RGS3: variants seen among roughly 807,000 people sequenced by gnomAD.
The protein encoded by RGS3 is regulator of G-protein signalling 3.
Under a neutral mutation model 132.6 loss-of-function variants are expected in RGS3, and 80 were observed. The observed-to-expected ratio is 0.60, with a 90% confidence interval of 0.50 to 0.73. The LOEUF (loss-of-function observed/expected upper bound fraction) is 0.73. Among genes scored for constraint, RGS3 ranks in the 30% least tolerant of loss-of-function variants. The probability of loss-of-function intolerance (pLI) is 0.00; values close to 1 mark genes in which losing one functional copy is unlikely to be tolerated. For missense variants in RGS3, 1,382 were observed against 1,530.8 expected, an observed-to-expected ratio of 0.90 and a Z score of 1.62; for synonymous variants, 598 against 620.6, an observed-to-expected ratio of 0.96 and a Z score of 0.54.
chr9:113,596,710 G>T, intron 24 of RGS3, 58 bp from the exon 23 acceptor site: 1 of 1,481,664 alleles, frequency 6.7e-7, no homozygotes. Flanking sequence ...CAGGCACATG[G>T]GCCCTAGGGT....
chr9:113,594,289 A>C (rs369425536), intron 21 of RGS3, 141 bp from the exon 20 acceptor site: 16 of 1,600,726 alleles, frequency 1.0e-5, no homozygotes, highest in Non-Finnish European at 8.5e-7. Flanking sequence ...GCTCCGAGGC[A>C]TGTACCTCAC....
intron 19 of RGS3, among the ~76,000 whole-genome samples, chr9:113,560,000 C>T (rs1833725762): frequency 6.6e-6 from 1 of 152,198 alleles, no homozygotes; most frequent in Non-Finnish European, 1.5e-5. Flanking sequence ...TAGTCCTCCT[C>T]AGGGTCCGTT....
rs565996429 is a variant in RGS3, at chr9:113,583,185, G to T, written c.2038-265G>T. 23 of 565,976 alleles carry T rather than the reference G, an allele frequency of 4.1e-5. No homozygotes were observed. In the African/African-American group the frequency reaches 4.3e-4, roughly 11 times the overall value. 35.1% of individuals were successfully genotyped at this position (565,976 alleles called of 1,614,324 possible). On this transcript the variant is annotated intron_variant, in intron 19 of 24. Transcript: ENST00000350696. ...CTGGCACCTGCCAAAGCAGGAGCTA[G>T]ATAGATAGTGGTTATCTCTCCCTCT...
intron 20 of RGS3, chr9:113,589,228 GA>G (rs1297715164): frequency 1.3e-5 from 2 of 152,316 alleles, no homozygotes; most frequent in African/African-American, 4.8e-5. Flanking sequence ...TGTGGGAGGG[GA>G]GGGAAGAGTC....
intron 19 of RGS3, among the ~76,000 whole-genome samples, chr9:113,543,407 T>TG (rs1331251905): frequency 6.6e-6 from 1 of 152,332 alleles, no homozygotes; most frequent in Admixed American, 6.5e-5. Flanking sequence ...TAACAGGGGA[T>TG]GGGCTGGATC....
At position 113,574,248 on chromosome 9, in the gene RGS3, T is replaced by C. The variant is rs1228901409; in HGVS notation, c.2038-9202T>C. Among the ~76,000 whole-genome samples the C allele has an allele frequency of 2.0e-5, 3 of 152,210 alleles. No homozygotes were observed. The East Asian group carries it at 5.8e-4, about 29-fold the overall frequency. Reference sequence around the variant, plus strand: ...GGTAACGTTGGAATTCCTTAAAATATCCATGCTCCTGCCTCATCCAACCAC... The same window carrying C: ...GGTAACGTTGGAATTCCTTAAAATACCCATGCTCCTGCCTCATCCAACCAC... On this transcript the variant is annotated intron_variant, in intron 19 of 24. Transcript: ENST00000350696.
intron 7 of RGS3, among the ~76,000 whole-genome samples, chr9:113,490,906 A>G (rs1830492378): frequency 7.6e-6 from 1 of 131,250 alleles, no homozygotes; most frequent in South Asian, 2.2e-4. Context: ...AATTATAATT[A>G]TATATCAGTA....
At chr9:113,519,958 C>G (rs1831859042) in intron 16 of RGS3, among the ~76,000 whole-genome samples, 1 of 152,168 alleles carries the variant, frequency 6.6e-6, no homozygotes, top group African/African-American at 2.4e-5. Context: ...ACACACCCTC[C>G]CTTTACACAC....
chr9:113,506,419 G>C lies in RGS3; in HGVS notation c.1011G>C (p.Gln337His). The C allele has an allele frequency of 6.3e-7, 1 of 1,595,366 alleles. No individual in the cohort carries two copies. The highest frequency in any genetic ancestry group is 8.5e-7 in the Non-Finnish European group (1 of 1,172,458). The change falls in exon 12 of 25, where the codon CAG (glutamine) becomes CAC (histidine). Residue 337 changes from glutamine (Q) to histidine (H), a missense_variant. Physicochemically the swap from Gln to His is conservative, Grantham distance 24. Coordinates refer to ENST00000350696, the Ensembl canonical transcript of RGS3. The surrounding 1 kb of genome is among the most constrained non-coding windows in gnomAD (Gnocchi z 4.7). ...CGGCGGAACGGGCAGGGCTGCAGCA[G>C]CTGGACACGGTGCTGCAGCTGAATG...
chr9:113,483,243 C>T (rs1450044437), intron 5 of RGS3, 126 bp downstream of exon 3: 1 of 693,050 alleles, frequency 1.4e-6, no homozygotes, highest in Non-Finnish European at 2.6e-6. Context: ...TCTCACTCAT[C>T]TTCTCAATAG....
chr9:113,447,496 G>T (rs960641596), intron 1 of RGS3, among the ~76,000 whole-genome samples: 2 of 150,042 alleles, frequency 1.3e-5, no homozygotes, highest in Non-Finnish European at 3.0e-5. Flanking sequence ...AAAATTTTTT[G>T]GGGGTCTATA....
intron 17 of RGS3, among the ~76,000 whole-genome samples, chr9:113,528,083 A>G (rs994164268): frequency 2.6e-5 from 4 of 152,202 alleles, no homozygotes; most frequent in Admixed American, 6.5e-5. Context: ...CCTGTCTTCC[A>G]GGGGTTGTTG....
At chr9:113,580,171 C>T (rs537964537) in intron 19 of RGS3, among the ~76,000 whole-genome samples, 2 of 152,346 alleles carry the variant, frequency 1.3e-5, no homozygotes, top group African/African-American at 2.4e-5. Flanking sequence ...GGGCCCTGTT[C>T]GCCAGCATCT....
exon 25 of RGS3, chr9:113,596,818 C>A: frequency 6.2e-7 from 1 of 1,613,558 alleles, no homozygotes; most frequent in Non-Finnish European, 8.5e-7. Context: ...ACCTGCAGAG[C>A]GTCACGCGGG....
At chr9:113,595,151 C>A in intron 23 of RGS3, 171 bp downstream of exon 21, 2 of 646,660 alleles carry the variant, frequency 3.1e-6, no homozygotes, top group Non-Finnish European at 2.7e-6. Context: ...TTGGTCTGGC[C>A]TTGGAGCCAG....
At chr9:113,553,883 T>G (rs1451598204) in intron 19 of RGS3, among the ~76,000 whole-genome samples, 1 of 152,176 alleles carries the variant, frequency 6.6e-6, no homozygotes. Context: ...GCACCTAAAC[T>G]TCTCCCTCTA....
At chr9:113,568,433 C>T (rs1172619440) in intron 19 of RGS3, among the ~76,000 whole-genome samples, 2 of 152,262 alleles carry the variant, frequency 1.3e-5, no homozygotes, top group African/African-American at 4.8e-5. Context: ...CCTTGTTTCT[C>T]ACCTCAGTTT....
At chr9:113,538,678 G>A (rs920662775) in intron 19 of RGS3, among the ~76,000 whole-genome samples, 1 of 152,202 alleles carries the variant, frequency 6.6e-6, no homozygotes, top group African/African-American at 2.4e-5. Context: ...TTGAGGCCTG[G>A]CTTCAGGGCC....
chr9:113,561,591 T>TC (rs1246081837), intron 19 of RGS3, among the ~76,000 whole-genome samples: 1 of 150,994 alleles, frequency 6.6e-6, no homozygotes, highest in African/African-American at 2.4e-5. Context: ...TTTTAATTTT[T>TC]TTTTTTTTTT....
Sources: allele counts gnomAD v4.1 joint callset (sites outside exome capture counted in the v4.1 genomes callset), GRCh38; gene constraint gnomAD v4.1.1; non-coding constraint Gnocchi (gnomAD v3.1); transcripts MANE v1.5; gene names NCBI Gene and HGNC (gene_info 2026-07-23, HGNC 2026-07-21).